The following THBS1 variants were observed in gnomAD, a reference collection of about 807,000 sequenced individuals.
The protein encoded by THBS1 is thrombospondin 1.
THBS1 carries 29 observed loss-of-function variants against 126.1 expected under a neutral mutation model. That is an observed-to-expected ratio of 0.23 (90% confidence interval 0.17 to 0.31). THBS1 has a LOEUF of 0.31. THBS1 is among the 10% of genes least tolerant of loss of function. The pLI, the probability that THBS1 is intolerant of heterozygous loss-of-function variation, is 1.00. For missense variants in THBS1, 1,198 were observed against 1,545.2 expected (o/e 0.78, Z 3.77); for synonymous variants, 496 against 577.8 (o/e 0.86, Z 2.03).
In THBS1 at chr15:39,592,212, CTG is replaced by C. The variant is rs1158731363; in HGVS notation, c.2533-354_2533-353del. On this transcript the variant is annotated intron_variant, in intron 16 of 21. Coordinates refer to ENST00000260356, the MANE Select transcript of THBS1 (RefSeq NM_003246.4). This position sits in a 1 kb window ranked among gnomAD's most constrained non-coding sequence, Gnocchi z 4.3. ...AACTGAAACCTTCTAAGGAAATTCT[CTG>C]TTATAAAGTATCCAGAAAATTTCAT... Among the ~76,000 whole-genome samples, 1 of 152,170 alleles carries C rather than the reference CTG, an allele frequency of 6.6e-6. No individual in the cohort carries two copies. Among genetic ancestry groups the C allele is most frequent in the Non-Finnish European group, 1.5e-5 (1 of 68,032 alleles).
chr15:39,590,902 A>G (rs1456308283), intron 14 of THBS1: 4 of 536,142 alleles, frequency 7.5e-6, no homozygotes, highest in Non-Finnish European at 1.3e-5. Context: ...GATTCATTTC[A>G]AATGTCACAT....
In THBS1 at chr15:39,582,435, C is replaced by G. The variant is rs1890128945; in HGVS notation, c.310C>G (p.Leu104Val). The G allele has an allele frequency of 1.2e-6, 2 of 1,614,178 alleles. No individual in the cohort carries two copies. Among genetic ancestry groups the G allele is most frequent in the Non-Finnish European group, 1.7e-6 (2 of 1,180,012 alleles). Residue 104 changes from leucine to valine, a missense_variant, in exon 3 of 22, where the codon CTG (leucine) becomes GTG (valine). By Grantham distance (32) the Leu-to-Val change is conservative. This residue lies in a region of THBS1 where 271 missense variants were observed against 277.0 expected (regional missense o/e 0.98). Transcript: ENST00000260356. ...GCAGATGAAGAAGACCCGGGGCACG[C>G]TGCTGGCCCTGGAGCGGAAAGACCA... Reference protein sequence around the residue: ...LRQMKKTRGTLLALERKDHSG... With the variant: ...LRQMKKTRGTVLALERKDHSG...
chr15:39,588,601 G>A lies in THBS1; in HGVS notation c.1547G>A (p.Ser516Asn), dbSNP rs1890258045. The change falls in exon 10 of 22, where the codon AGT becomes AAT. Residue 516 changes from serine to asparagine, a missense_variant. Coordinates refer to ENST00000260356, the MANE Select transcript of THBS1 (RefSeq NM_003246.4). The part of the protein sequence containing the change: ...VTCGGGVQKR[S>N]RLCNNPTPQF... ...TGTGGAGGAGGGGTACAGAAACGTA[G>A]TCGTCTCTGCAACAACCCCACACCC... 1 of 1,610,670 alleles carries A rather than the reference G, an allele frequency of 6.2e-7. No individual in the cohort carries two copies. Among genetic ancestry groups the A allele is most frequent in the Admixed American group, 1.7e-5 (1 of 59,380 alleles).
rs1890467977 is a variant in THBS1 at position 39,597,150 on chromosome 15, C to A, written c.*1781C>A. ...TTCTCATTGCCATTGGAATAGATATCTCAGATTGTGTAGATATGCTATTTA... is the reference window on the plus strand; with the variant it reads ...TTCTCATTGCCATTGGAATAGATATATCAGATTGTGTAGATATGCTATTTA... On this transcript the variant is annotated 3_prime_UTR_variant, in exon 22 of 22. Transcript: ENST00000260356. The A allele has an allele frequency of 6.6e-6, 1 of 151,830 alleles. No individual in the cohort carries two copies. The allele number at this position is 151,830 out of a possible 1,614,324, so 9.4% of individuals were successfully genotyped here.
intron 9 of THBS1, 138 bp downstream of exon 9, chr15:39,588,356 C>T (rs1191239381): frequency 3.8e-6 from 5 of 1,298,964 alleles, no homozygotes; most frequent in Middle Eastern, 2.2e-4. Context: ...AAGCAAAGTC[C>T]TGCAGGCTCA....
chr15:39,582,604 TGCAGGAAGACAGG>T lies in THBS1; in HGVS notation c.482_494del (p.Gln161ProfsTer51). On this transcript the variant is annotated frameshift_variant, in exon 3 of 22. Coordinates refer to ENST00000260356, the MANE Select transcript of THBS1 (RefSeq NM_003246.4). LOFTEE classifies it high-confidence loss of function. ...CAGTGGAAGAGCATCACCCTGTTTG[TGCAGGAAGACAGG>T]GCCCAGCTGTACATCGACTGTGAAA... 1 of 1,614,090 alleles carries T rather than the reference TGCAGGAAGACAGG, an allele frequency of 6.2e-7. No individual in the cohort carries two copies. The highest frequency in any genetic ancestry group is 8.5e-7 in the Non-Finnish European group (1 of 1,180,030).
At position 39,594,076 on chromosome 15, in the gene THBS1, CTTTCCT is replaced by C. The variant is rs778626981; in HGVS notation, c.3268-9_3268-4del. The C allele has an allele frequency of 6.9e-6, 11 of 1,602,794 alleles. No individual in the cohort carries two copies. Among genetic ancestry groups the C allele is most frequent in the Non-Finnish European group, 9.4e-6 (11 of 1,173,242 alleles). ...TTACCTGAAGGAGCTGTGTTTCAAC[CTTTCCT>C]TTTCCTTTTCCTTCAGGTGCGCACC... On this transcript the variant is annotated splice_polypyrimidine_tract_variant and intron_variant, in intron 19 of 21. Transcript: ENST00000260356. This position sits in a 1 kb window ranked among gnomAD's most constrained non-coding sequence, Gnocchi z 4.4.
Position 39,589,743 on chromosome 15 carries a change from GT to G in THBS1, c.1927-59del. 1 of 1,493,624 alleles carries G rather than the reference GT, an allele frequency of 6.7e-7. No individual in the cohort carries two copies. Among genetic ancestry groups the G allele is most frequent in the Non-Finnish European group, 9.0e-7 (1 of 1,115,440 alleles). The allele number at this position is 1,493,624 out of a possible 1,614,324, so 92.5% of individuals were successfully genotyped here. A position where few individuals can be genotyped will look rare whatever the true frequency, so the allele number is the denominator to read the frequency against. ...AGAGATGACAGGGATCTGGATTCTT[GT>G]TTCCATGATATCTGAGGATTCTCAA... On this transcript the variant is annotated intron_variant, in intron 12 of 21. Transcript: ENST00000260356. The surrounding 1 kb of genome is among the most constrained non-coding windows in gnomAD (Gnocchi z 4.7).
chr15:39,582,444 C>G lies in THBS1; in HGVS notation c.319C>G (p.Leu107Val), dbSNP rs1890129009. 2 of 1,614,144 alleles carry G rather than the reference C, an allele frequency of 1.2e-6. No homozygotes were observed. Among genetic ancestry groups the G allele is most frequent in the Non-Finnish European group, 1.7e-6 (2 of 1,179,994 alleles). ...GAAGACCCGGGGCACGCTGCTGGCC[C>G]TGGAGCGGAAAGACCACTCTGGCCA... ...MKKTRGTLLA[L>V]ERKDHSGQVF... is the part of the protein sequence containing the mutation. The change falls in exon 3 of 22, where the codon CTG (leucine) becomes GTG (valine). Residue 107 changes from leucine to valine, a missense_variant. Physicochemically the swap from Leu to Val is conservative, Grantham distance 32. Transcript: ENST00000260356.
intron 8 of THBS1, among the ~76,000 whole-genome samples, chr15:39,587,805 C>G (rs1890237913): frequency 6.6e-6 from 1 of 152,140 alleles, no homozygotes; most frequent in Non-Finnish European, 1.5e-5. Context: ...TGGTAAGCAC[C>G]CTGTAAATGT....
Position 39,594,187 on chromosome 15 carries a change from G to A in THBS1, c.3356G>A (p.Gly1119Asp). Residue 1119 changes from glycine (G) to aspartate (D), a missense_variant, in exon 20 of 22, where the codon GGT (glycine) becomes GAT (aspartate). By Grantham distance (94) the Gly-to-Asp change is moderately conservative. Transcript: ENST00000260356. The surrounding 1 kb of genome is among the most constrained non-coding windows in gnomAD (Gnocchi z 4.4). ...RWRLSHRPKTGFIRVVMYEGK... is the reference protein window; with the variant it reads ...RWRLSHRPKTDFIRVVMYEGK... Reference sequence around the variant, plus strand: ...CGTCTCAGCCACAGGCCAAAGACGGGTTTCATTAGGTACGATCATACTGAT... The same window carrying A: ...CGTCTCAGCCACAGGCCAAAGACGGATTTCATTAGGTACGATCATACTGAT... 6.2e-7 allele frequency: 1 copy of A among 1,614,210 alleles called. No individual in the cohort carries two copies. Among genetic ancestry groups the A allele is most frequent in the Non-Finnish European group, 8.5e-7 (1 of 1,180,036 alleles).
chr15:39,592,946 G>C lies in THBS1; in HGVS notation c.2768-54G>C. 9.5e-6 allele frequency: 15 copies of C among 1,582,648 alleles called. No homozygotes were observed. The highest frequency in any genetic ancestry group is 1.3e-5 in the Non-Finnish European group (15 of 1,157,314). On this transcript the variant is annotated intron_variant, in intron 17 of 21. Transcript: ENST00000260356. The surrounding 1 kb of genome is among the most constrained non-coding windows in gnomAD (Gnocchi z 4.3). ...CAAGATAGTGACATTTCTGACACCA[G>C]TAATAATAATAGCACTTTAGAATTT...
chr15:39,593,698 G>A lies in THBS1; in HGVS notation c.3267+30G>A, dbSNP rs145381878. The A allele has an allele frequency of 4.0e-5, 65 of 1,606,568 alleles. No individual in the cohort carries two copies. The African/African-American group carries it at 7.4e-4, about 18-fold the overall frequency. The stretch of plus-strand genomic sequence containing the variant: ...GAAGCAAAGCCCTGGAACAGAGAGA[G>A]AGCTTATGGGTGCCTGACTAGCACT... On this transcript the variant is annotated intron_variant, in intron 19 of 21. Transcript: ENST00000260356. The surrounding 1 kb of genome is among the most constrained non-coding windows in gnomAD (Gnocchi z 5.9).
Position 39,587,411 on chromosome 15 carries a change from T to C in THBS1, c.1185T>C (p.Cys395=), listed in dbSNP as rs118170005. 2,578 of 1,613,970 alleles carry C rather than the reference T, an allele frequency of 1.6e-3. 1 individual carries two copies. The highest frequency in any genetic ancestry group is 1.9e-3 in the Non-Finnish European group (2,278 of 1,180,026). The change falls in exon 8 of 22, where the codon TGT becomes TGC. Residue 395 remains cysteine, a synonymous_variant. Transcript: ENST00000260356. ...WSEWTSCSTS[C]GNGIQQRGRS... ...AGTGGACCTCCTGTTCTACGAGCTG[T>C]GGCAATGGAATTCAGCAGCGCGGCC...
chr15:39,585,481 C>T lies in THBS1; in HGVS notation c.1038C>T (p.Thr346=). 6.2e-7 allele frequency: 1 copy of T among 1,614,132 alleles called. No homozygotes were observed. Among genetic ancestry groups the T allele is most frequent in the Non-Finnish European group, 8.5e-7 (1 of 1,179,994 alleles). Residue 346 remains threonine (T), a synonymous_variant, in exon 7 of 22, where the codon ACC becomes ACT. Transcript: ENST00000260356. ...CTCTTGCCCTGCAGAACTCAGTTAC[C>T]ATCTGCAAAAAGGTGTCCTGCCCCA... is the stretch of plus-strand genomic sequence containing the variant. ...CTECHCQNSV[T]ICKKVSCPIM... is the part of the protein sequence containing the mutation.
rs1418336469 is a variant in THBS1, at chr15:39,593,098, G to A, written c.2866G>A (p.Asp956Asn). Residue 956 changes from aspartate to asparagine, a missense_variant, in exon 18 of 22, where the codon GAT becomes AAT. Physicochemically the swap from Asp to Asn is conservative, Grantham distance 23. Transcript: ENST00000260356. This position sits in a 1 kb window ranked among gnomAD's most constrained non-coding sequence, Gnocchi z 5.9. Reference sequence around the variant, plus strand: ...TGAGAATGTTGACATCAGTGAGACCGATTTCCGCCGATTCCAGATGATTCC... The same window carrying A: ...TGAGAATGTTGACATCAGTGAGACCAATTTCCGCCGATTCCAGATGATTCC... ...CPENVDISET[D>N]FRRFQMIPLD... 6 of 1,596,940 alleles carry A rather than the reference G, an allele frequency of 3.8e-6. No homozygotes were observed. Among genetic ancestry groups the A allele is most frequent in the South Asian group, 3.4e-5 (3 of 87,446 alleles).
rs921580764 is a variant in THBS1, at chr15:39,598,709, A to C, written c.*3340A>C. ...ATTAAAATTATGTCATCGAGATGAT[A>C]GCTTTTTTCCTCCTCCAACAGTTTA... On this transcript the variant is annotated 3_prime_UTR_variant, in exon 22 of 22. Coordinates refer to ENST00000260356, the MANE Select transcript of THBS1 (RefSeq NM_003246.4). 3 of 152,232 alleles carry C rather than the reference A, an allele frequency of 2.0e-5. No individual in the cohort carries two copies. The highest frequency in any genetic ancestry group is 7.2e-5 in the African/African-American group (3 of 41,462). 9.4% of individuals were successfully genotyped at this position (152,232 alleles called of 1,614,324 possible). A position where few individuals can be genotyped will look rare whatever the true frequency, so the allele number is the denominator to read the frequency against.
intron 1 of THBS1, among the ~76,000 whole-genome samples, chr15:39,581,431 C>G (rs1484474827): frequency 2.0e-5 from 3 of 152,174 alleles, no homozygotes; most frequent in African/African-American, 4.8e-5. Flanking sequence ...CACAAACCAA[C>G]TCATCAGGAC....
chr15:39,581,564 C>T, intron 1 of THBS1: 1 of 383,376 alleles, frequency 2.6e-6, no homozygotes, highest in Non-Finnish European at 4.8e-6. Context: ...TCTTGCTCAC[C>T]TTCGACTTCC....
Sources: allele counts gnomAD v4.1 joint callset (sites outside exome capture counted in the v4.1 genomes callset), GRCh38; gene constraint gnomAD v4.1.1; regional missense constraint gnomAD v4.1.1; non-coding constraint Gnocchi (gnomAD v3.1); transcripts MANE v1.5; gene names NCBI Gene and HGNC (gene_info 2026-07-23, HGNC 2026-07-21).